The following RAI1 variants were observed in gnomAD, a reference collection of about 807,000 sequenced individuals.
RAI1 encodes the protein retinoic acid induced 1.
RAI1 carries 9 observed loss-of-function variants against 123.8 expected under a neutral mutation model. The ratio of observed to expected loss-of-function variants is 0.07; its 90% CI spans 0.04 to 0.13. RAI1 has a LOEUF of 0.13. RAI1 is among the 10% of genes least tolerant of loss of function. RAI1 has a pLI of 1.00. For synonymous variants in RAI1, 1,231 were observed against 1,127.3 expected (o/e 1.09, Z -1.84); for missense variants, 2,256 against 2,545.8 (o/e 0.89, Z 2.45).
intron 2 of RAI1, among the ~76,000 whole-genome samples, chr17:17,746,614 CT>C (rs934770775): frequency 2.8e-5 from 4 of 143,102 alleles, no homozygotes; most frequent in Non-Finnish European, 3.1e-5. Flanking sequence ...TATGTGTTTT[CT>C]TTTTTTTTCT....
intron 1 of RAI1, among the ~76,000 whole-genome samples, chr17:17,703,919 G>A (rs1915312680): frequency 6.6e-6 from 1 of 152,202 alleles, no homozygotes; most frequent in South Asian, 2.1e-4. Flanking sequence ...GGTCCTGGCT[G>A]GGGAGCCTTA....
At chr17:17,747,119 G>A (rs1409755470) in intron 2 of RAI1, among the ~76,000 whole-genome samples, 1 of 152,088 alleles carries the variant, frequency 6.6e-6, no homozygotes, top group Non-Finnish European at 1.5e-5. Flanking sequence ...GAACCAGCGG[G>A]GCCTCAAGCT....
At chr17:17,766,325 A>G (rs2030929738) in intron 2 of RAI1, 1 of 152,216 alleles carries the variant, frequency 6.6e-6, no homozygotes. Context: ...AGAAAGATGC[A>G]TCTTTGTCGC....
At chr17:17,802,515 G>T (rs1351431993) in intron 3 of RAI1, among the ~76,000 whole-genome samples, 1 of 152,004 alleles carries the variant, frequency 6.6e-6, no homozygotes, top group Admixed American at 6.5e-5. Flanking sequence ...GGTGGCTCAC[G>T]CCTGTAATCC....
At chr17:17,791,340 T>C (rs1229132530) in intron 2 of RAI1, among the ~76,000 whole-genome samples, 1 of 152,148 alleles carries the variant, frequency 6.6e-6, no homozygotes, top group East Asian at 1.9e-4. Flanking sequence ...AGGAAGGCAC[T>C]TGTGGTGGGG....
chr17:17,792,805 G>C, intron 2 of RAI1, 128 bp from the exon 3 acceptor site: 1 of 747,148 alleles, frequency 1.3e-6, no homozygotes, highest in South Asian at 1.7e-5. Flanking sequence ...GGGTGGGGAG[G>C]TGGGTGGGAG....
chr17:17,778,648 T>TCCG (rs1177056085), intron 2 of RAI1: 48 of 443,586 alleles, frequency 1.1e-4, no homozygotes, highest in African/African-American at 9.4e-4. Context: ...CCAGCCCCTA[T>TCCG]GAGCCCTCAC....
rs2032718467 is a variant in RAI1, at chr17:17,810,460, A to G, written c.*479A>G. 4.0e-6 allele frequency: 1 copy of G among 248,090 alleles called. No homozygotes were observed. The highest frequency in any genetic ancestry group is 2.3e-5 in the African/African-American group (1 of 42,620). 15.4% of individuals were successfully genotyped at this position (248,090 alleles called of 1,614,324 possible). On this transcript the variant is annotated 3_prime_UTR_variant, in exon 6 of 6. Transcript: ENST00000353383. This position sits in a 1 kb window ranked among gnomAD's most constrained non-coding sequence, Gnocchi z 4.6. ...GGGTGGGGGTCGAAACAGTACTGGA[A>G]GAGGCGGAGGGCGGCTCCTAGCTCC...
intron 2 of RAI1, among the ~76,000 whole-genome samples, chr17:17,742,241 G>A (rs1310393007): frequency 6.6e-6 from 1 of 152,214 alleles, no homozygotes; most frequent in Non-Finnish European, 1.5e-5. Flanking sequence ...ACCCTGGCCT[G>A]TCCACTCCCA....
At chr17:17,687,867 T>C (rs536667682) in intron 1 of RAI1, among the ~76,000 whole-genome samples, 17 of 151,138 alleles carry the variant, frequency 1.1e-4, no homozygotes, top group African/African-American at 4.1e-4. Flanking sequence ...CCATCTCCAC[T>C]AAAAATACAA....
At chr17:17,720,733 G>C (rs1382163262) in intron 1 of RAI1, among the ~76,000 whole-genome samples, 1 of 152,172 alleles carries the variant, frequency 6.6e-6, no homozygotes, top group Non-Finnish European at 1.5e-5. Flanking sequence ...TCTCAGCCTG[G>C]GTTTCTCCTC....
At chr17:17,715,707 CCA>C (rs1404233653) in intron 1 of RAI1, among the ~76,000 whole-genome samples, 2 of 152,162 alleles carry the variant, frequency 1.3e-5, no homozygotes, top group Admixed American at 6.5e-5. Context: ...GGAGTGATCT[CCA>C]CAGATTCAGA....
chr17:17,703,978 A>C (rs1915314345), intron 1 of RAI1, among the ~76,000 whole-genome samples: 1 of 151,988 alleles, frequency 6.6e-6, no homozygotes. Context: ...CCTATTGGGG[A>C]CTGACCGTGG....
intron 2 of RAI1, among the ~76,000 whole-genome samples, chr17:17,768,931 G>C (rs562850200): frequency 6.6e-6 from 1 of 152,326 alleles, no homozygotes; most frequent in Non-Finnish European, 1.5e-5. Flanking sequence ...AGGCCACCTG[G>C]TATTCAGAAG....
At position 17,810,854 on chromosome 17, in the gene RAI1, T is replaced by C. The variant is rs2032738127; in HGVS notation, c.*873T>C. The C allele has an allele frequency of 2.2e-6, 1 of 449,354 alleles. No individual in the cohort carries two copies. Among genetic ancestry groups the C allele is most frequent in the Non-Finnish European group, 4.5e-6 (1 of 221,446 alleles). 27.8% of individuals were successfully genotyped at this position (449,354 alleles called of 1,614,324 possible). A position where few individuals can be genotyped will look rare whatever the true frequency, so the allele number is the denominator to read the frequency against. On this transcript the variant is annotated 3_prime_UTR_variant, in exon 6 of 6. Coordinates refer to ENST00000353383, the MANE Select transcript of RAI1 (RefSeq NM_030665.4). The surrounding 1 kb of genome is among the most constrained non-coding windows in gnomAD (Gnocchi z 4.6). The stretch of plus-strand genomic sequence containing the variant: ...CACCACCAGGGACCGCCGCGCCTAC[T>C]CTGCACGGGAGCAGGGACAGCGCTA...
chr17:17,724,755 C>A (rs1916020931), intron 2 of RAI1, among the ~76,000 whole-genome samples: 1 of 152,048 alleles, frequency 6.6e-6, no homozygotes, highest in African/African-American at 2.4e-5. Context: ...TTCCTCGGGC[C>A]GCTGCGGCCC....
At chr17:17,710,229 CT>C (rs1216371572) in intron 1 of RAI1, among the ~76,000 whole-genome samples, 1 of 152,266 alleles carries the variant, frequency 6.6e-6, no homozygotes, top group Non-Finnish European at 1.5e-5. Flanking sequence ...CCAGCGGGGG[CT>C]TTAGCCACAA....
intron 3 of RAI1, 21 bp downstream of exon 3, chr17:17,798,534 G>A (rs1330988817): frequency 2.5e-6 from 4 of 1,597,976 alleles, no homozygotes; most frequent in Non-Finnish European, 3.4e-6. Flanking sequence ...AGCCCAGCCA[G>A]GGTGGGGAGT....
chr17:17,809,383 G>A lies in RAI1; in HGVS notation c.5660-7G>A. 1 of 1,605,410 alleles carries A rather than the reference G, an allele frequency of 6.2e-7. No homozygotes were observed. The highest frequency in any genetic ancestry group is 8.5e-7 in the Non-Finnish European group (1 of 1,172,204). On this transcript the variant is annotated splice_polypyrimidine_tract_variant and splice_region_variant and intron_variant, in intron 4 of 5. Coordinates refer to ENST00000353383, the MANE Select transcript of RAI1 (RefSeq NM_030665.4). The surrounding 1 kb of genome is among the most constrained non-coding windows in gnomAD (Gnocchi z 4.9). ...TCCTAACCACCGAAACTTCTCTTTG[G>A]TCACAGGTTGCATATTCATCGAAGA... is the stretch of plus-strand genomic sequence containing the variant.
Sources: gnomAD v4.1 joint callset for allele counts (sites outside exome capture counted in the v4.1 genomes callset) on GRCh38, gnomAD v4.1.1 for gene constraint, Gnocchi (gnomAD v3.1) non-coding constraint, MANE v1.5 for transcripts, NCBI Gene and HGNC (gene_info 2026-07-23, HGNC 2026-07-21) for gene names.